Variants in TBX1 observed in about 807,000 individuals in gnomAD.
TBX1 encodes the protein T-box transcription factor TBX1.
Under a neutral mutation model 40.8 loss-of-function variants are expected in TBX1, and 16 were observed. That is an observed-to-expected ratio of 0.39 (90% CI 0.27 to 0.60). TBX1 has a LOEUF of 0.60. TBX1 is among the 20% of genes least tolerant of loss of function. The pLI is 0.51. For missense variants in TBX1, 755 were observed against 728.5 expected (o/e 1.04, Z -0.42); for synonymous variants, 403 against 336.8 (o/e 1.20, Z -2.15).
chr22:19,762,227 G>A (rs1209633670), intron 1 of TBX1, among the ~76,000 whole-genome samples: 1 of 152,236 alleles, frequency 6.6e-6, no homozygotes, highest in African/African-American at 2.4e-5. Flanking sequence ...CCCGGCAAGG[G>A]CCTTGTCGGC....
chr22:19,759,705 G>T, upstream of TBX1: 1 of 1,610,542 alleles, frequency 6.2e-7, no homozygotes. Flanking sequence ...GTCTACACTG[G>T]CCCGCCCGCC....
chr22:19,761,718 G>A (rs917902593), intron 1 of TBX1, among the ~76,000 whole-genome samples: 1 of 152,244 alleles, frequency 6.6e-6, no homozygotes, highest in Admixed American at 6.5e-5. Flanking sequence ...CTGGAGTTCA[G>A]TCTATGCGGG....
chr22:19,770,612 C>A (rs1469767436), downstream of TBX1, among the ~76,000 whole-genome samples: 1 of 152,204 alleles, frequency 6.6e-6, no homozygotes, highest in Non-Finnish European at 1.5e-5. Context: ...GGAGATGAGA[C>A]CCTGGCCTGG....
In TBX1 at chr22:19,765,014, C is replaced by T. The variant is rs1266161483; in HGVS notation, c.768C>T (p.Asp256=). The T allele has an allele frequency of 1.9e-6, 3 of 1,614,042 alleles. No individual in the cohort carries two copies. Among genetic ancestry groups the T allele is most frequent in the Non-Finnish European group, 2.5e-6 (3 of 1,180,032 alleles). The part of the protein sequence containing the change: ...YQPRFHVVYV[D]PRKDSEKYAE... The stretch of plus-strand genomic sequence containing the variant: ...CCCGCTTCCACGTGGTCTATGTGGA[C>T]CCACGCAAAGATAGCGAGAAATATG... The change falls in exon 4 of 7, where the codon GAC becomes GAT. Residue 256 remains aspartate, a synonymous_variant. Transcript: ENST00000649276.
At chr22:19,761,547 C>T (rs1936664368) in intron 1 of TBX1, among the ~76,000 whole-genome samples, 1 of 151,594 alleles carries the variant, frequency 6.6e-6, no homozygotes, top group Non-Finnish European at 1.5e-5. Context: ...AGGAGCCCCG[C>T]GGGACTCGCC....
chr22:19,759,485 C>T (rs1936568546), upstream of TBX1: 7 of 1,450,282 alleles, frequency 4.8e-6, no homozygotes, highest in East Asian at 2.6e-5. Flanking sequence ...GCCAGGCCGC[C>T]GGGCGCCTAT....
At chr22:19,763,424 G>C (rs1217207882) in intron 2 of TBX1, 82 bp downstream of exon 2, 1 of 1,321,510 alleles carries the variant, frequency 7.6e-7, no homozygotes, top group South Asian at 1.2e-5. Context: ...CCAACTCCAA[G>C]GGTCGTCTGC....
chr22:19,763,931 C>T, intron 2 of TBX1, among the ~76,000 whole-genome samples: 1 of 152,220 alleles, frequency 6.6e-6, no homozygotes, highest in East Asian at 1.9e-4. Flanking sequence ...CGGTGCCCCA[C>T]AGGGTGTCCA....
intron 8 of TBX1, chr22:19,779,177 C>T (rs1937111384): frequency 1.2e-6 from 2 of 1,609,264 alleles, no homozygotes; most frequent in East Asian, 2.2e-5. Context: ...GCACCTCTGA[C>T]ATGGTACTTC....
chr22:19,766,233 G>A, intron 6 of TBX1, 156 bp from the exon 7 acceptor site: 1 of 1,109,274 alleles, frequency 9.0e-7, no homozygotes, highest in Non-Finnish European at 1.1e-6. Flanking sequence ...AGGGCTCGGG[G>A]CGCCGGCGAC....
intron 1 of TBX1, among the ~76,000 whole-genome samples, chr22:19,762,394 A>G (rs926966791): frequency 3.9e-5 from 6 of 152,130 alleles, no homozygotes; most frequent in Admixed American, 1.3e-4. Flanking sequence ...GGCAGAGGGG[A>G]CGGCAAGTGA....
upstream of TBX1, among the ~76,000 whole-genome samples, chr22:19,757,168 C>T (rs1936505835): frequency 6.6e-6 from 1 of 152,084 alleles, no homozygotes; most frequent in African/African-American, 2.4e-5. Context: ...GGTCGGCCAA[C>T]AGAGCCGGCT....
chr22:19,782,772 T>C, downstream of TBX1: 1 of 1,471,014 alleles, frequency 6.8e-7, no homozygotes, highest in East Asian at 2.4e-5. Context: ...CTTCCCTGTT[T>C]CTGGGGCCTC....
chr22:19,763,526 A>C, intron 2 of TBX1, 184 bp downstream of exon 2: 2 of 620,540 alleles, frequency 3.2e-6, no homozygotes, highest in East Asian at 2.8e-5. Flanking sequence ...ACCCTACTCC[A>C]TGCCCTCTCA....
Position 19,764,145 on chromosome 22 carries a change from G to T in TBX1, c.540-10G>T. 1 of 1,612,654 alleles carries T rather than the reference G, an allele frequency of 6.2e-7. No individual in the cohort carries two copies. The highest frequency in any genetic ancestry group is 8.5e-7 in the Non-Finnish European group (1 of 1,179,860). On this transcript the variant is annotated splice_polypyrimidine_tract_variant and intron_variant, in intron 2 of 6. Transcript: ENST00000649276. The stretch of plus-strand genomic sequence containing the variant: ...CTCCACATGCACGACCCCACCCCGT[G>T]CCGCTCCAGGTACGCCTTCCACAGC...
At chr22:19,764,026 C>T (rs1936752605) in intron 2 of TBX1, 129 bp from the exon 3 acceptor site, 6 of 1,004,104 alleles carry the variant, frequency 6.0e-6, no homozygotes, top group Admixed American at 2.2e-5. Flanking sequence ...CCAGCACATG[C>T]GGCAGCAGAG....
In TBX1 at chr22:19,764,449, G is replaced by A. The variant is rs1181735875; in HGVS notation, c.711+123G>A. 5.4e-6 allele frequency: 7 copies of A among 1,293,416 alleles called. No homozygotes were observed. The South Asian group carries it at 7.2e-5, about 13-fold the overall frequency. The allele number at this position is 1,293,416 out of a possible 1,614,324, so 80.1% of individuals were successfully genotyped here. Reference sequence around the variant, plus strand: ...GGCTGTCCCCAGGCGGCTCTGGGCTGTCCCCGAGGAGGCCCTTTAGAGTCC... The same window carrying A: ...GGCTGTCCCCAGGCGGCTCTGGGCTATCCCCGAGGAGGCCCTTTAGAGTCC... On this transcript the variant is annotated intron_variant, in intron 3 of 6. Coordinates refer to ENST00000649276, the MANE Select transcript of TBX1 (RefSeq NM_001379200.1).
chr22:19,759,658 C>T (rs764497467), upstream of TBX1: 9 of 1,612,410 alleles, frequency 5.6e-6, no homozygotes, highest in Admixed American at 5.0e-5. Context: ...ACTTCAGCAC[C>T]GTCACCAGGG....
At chr22:19,780,395 C>A (rs1004581939), downstream of TBX1, among the ~76,000 whole-genome samples, 1 of 152,204 alleles carries the variant, frequency 6.6e-6, no homozygotes, top group South Asian at 2.1e-4. Context: ...TGGCTTAGTT[C>A]ACTGAGTGTA....
Sources: allele counts gnomAD v4.1 joint callset (sites outside exome capture counted in the v4.1 genomes callset), GRCh38; gene constraint gnomAD v4.1.1; transcripts MANE v1.5; gene names NCBI Gene and HGNC (gene_info 2026-07-23, HGNC 2026-07-21).